The following SNX4 variants were observed in gnomAD, a reference collection of about 807,000 sequenced individuals.
SNX4 encodes sorting nexin 4, also known as sorting nexin-4.
SNX4 carries 49 observed loss-of-function variants against 70.8 expected under a neutral mutation model. The ratio of observed to expected loss-of-function variants is 0.69; its 90% CI spans 0.55 to 0.88. The LOEUF (loss-of-function observed/expected upper bound fraction) is 0.88. SNX4 is among the 40% of genes least tolerant of loss of function. The probability of loss-of-function intolerance (pLI) is 0.00; values close to 1 mark genes in which losing one functional copy is unlikely to be tolerated. For synonymous variants in SNX4, 206 were observed against 183.8 expected (o/e 1.12, Z -0.98); for missense variants, 528 against 544.8 (o/e 0.97, Z 0.31).
intron 11 of SNX4, among the ~76,000 whole-genome samples, chr3:125,455,895 T>A (rs1160420090): frequency 6.6e-6 from 1 of 151,974 alleles, no homozygotes; most frequent in Non-Finnish European, 1.5e-5. Flanking sequence ...CAGGCGCCTG[T>A]AGTCCCAGCT....
chr3:125,480,158 A>G (rs2107545340), intron 7 of SNX4, 89 bp downstream of exon 7: 2 of 756,692 alleles, frequency 2.6e-6, no homozygotes, highest in African/African-American at 1.8e-5. Context: ...TATTCATGGT[A>G]AATACCACCT....
At chr3:125,512,391 AAAG>A (rs1935189847) in intron 1 of SNX4, among the ~76,000 whole-genome samples, 1 of 152,232 alleles carries the variant, frequency 6.6e-6, no homozygotes, top group Non-Finnish European at 1.5e-5. Context: ...ATCCAGTTAC[AAAG>A]AAGGAAAAAA....
Position 125,505,548 on chromosome 3 carries a change from TG to T in SNX4, c.142-805del, listed in dbSNP as rs202043168. Among the ~76,000 whole-genome samples the T allele has an allele frequency of 3.3e-5, 5 of 152,216 alleles. No homozygotes were observed. The East Asian group carries it at 5.8e-4, about 18-fold the overall frequency. ...CTAGCAGGCAGCTGTGCAGCATTCC[TG>T]GAACAGCCTGATGCAGCCAGGGTAG... On this transcript the variant is annotated intron_variant, in intron 1 of 13. Transcript: ENST00000251775.
chr3:125,503,491 A>G (rs897507702), intron 2 of SNX4, among the ~76,000 whole-genome samples: 1 of 152,028 alleles, frequency 6.6e-6, no homozygotes, highest in Non-Finnish European at 1.5e-5. Flanking sequence ...TTTACTCACC[A>G]AGTTCTTTTT....
chr3:125,510,271 C>T (rs539916160), intron 1 of SNX4, among the ~76,000 whole-genome samples: 131 of 149,304 alleles, frequency 8.8e-4, no homozygotes, highest in African/African-American at 3.0e-3. Context: ...CTTGCAGTGT[C>T]GCCCAGGCTG....
intron 1 of SNX4, among the ~76,000 whole-genome samples, chr3:125,512,143 T>C (rs1459548263): frequency 2.0e-5 from 3 of 151,982 alleles, no homozygotes; most frequent in African/African-American, 7.3e-5. Flanking sequence ...GCTCAAGAAA[T>C]CACCTAAGCA....
chr3:125,449,815 C>T (rs145345038), intron 13 of SNX4, among the ~76,000 whole-genome samples: 80 of 152,310 alleles, frequency 5.3e-4, no homozygotes, highest in South Asian at 1.2e-3. Flanking sequence ...AAAGGTCTTG[C>T]ACTTTACTTT....
At chr3:125,459,036 T>C (rs1211666402) in intron 10 of SNX4, among the ~76,000 whole-genome samples, 4 of 151,406 alleles carry the variant, frequency 2.6e-5, no homozygotes, top group Non-Finnish European at 1.5e-5. Context: ...TAGCCGGGCA[T>C]GGTGGTGCAT....
chr3:125,512,648 A>G (rs368497944), intron 1 of SNX4, among the ~76,000 whole-genome samples: 2 of 152,044 alleles, frequency 1.3e-5, no homozygotes, highest in East Asian at 3.9e-4. Flanking sequence ...GAGACACCTA[A>G]TTTTTATTTT....
At chr3:125,504,865 T>C in intron 1 of SNX4, 121 bp from the exon 2 acceptor site, 8 of 1,147,730 alleles carry the variant, frequency 7.0e-6, no homozygotes, top group Non-Finnish European at 9.3e-6. Flanking sequence ...TAGTTACTTA[T>C]AGTTCTTGAG....
chr3:125,453,996 C>T (rs546971408), intron 11 of SNX4, 41 bp from the exon 12 acceptor site: 45 of 1,558,812 alleles, frequency 2.9e-5, no homozygotes, highest in Non-Finnish European at 3.5e-5. Context: ...AAACAAAATG[C>T]GGCATACACA....
intron 5 of SNX4, among the ~76,000 whole-genome samples, chr3:125,495,763 A>G (rs1307088132): frequency 6.6e-6 from 1 of 152,236 alleles, no homozygotes; most frequent in Non-Finnish European, 1.5e-5. Flanking sequence ...CTTAATGACT[A>G]GAATTTTTAA....
chr3:125,485,638 T>C (rs1201298293), intron 6 of SNX4, among the ~76,000 whole-genome samples: 1 of 152,172 alleles, frequency 6.6e-6, no homozygotes, highest in East Asian at 1.9e-4. Context: ...TAGTTTTCTC[T>C]ACCTAGCTAT....
At chr3:125,449,803 A>G (rs1933530166) in intron 13 of SNX4, among the ~76,000 whole-genome samples, 1 of 152,254 alleles carries the variant, frequency 6.6e-6, no homozygotes, top group African/African-American at 2.4e-5. Context: ...GAGACATTAT[A>G]TAAAGGTCTT....
intron 6 of SNX4, among the ~76,000 whole-genome samples, chr3:125,488,890 T>C (rs1007067515): frequency 1.3e-5 from 2 of 152,230 alleles, no homozygotes; most frequent in South Asian, 2.1e-4. Flanking sequence ...AAATCTTAAA[T>C]ACATAGGTCC....
intron 6 of SNX4, among the ~76,000 whole-genome samples, chr3:125,483,893 G>A (rs561730352): frequency 1.7e-4 from 26 of 152,284 alleles, no homozygotes; most frequent in Admixed American, 1.2e-3. Context: ...AATCTAGAAT[G>A]TCTGCATATT....
chr3:125,504,099 G>A (rs1388693248), intron 2 of SNX4, among the ~76,000 whole-genome samples: 1 of 152,132 alleles, frequency 6.6e-6, no homozygotes. Context: ...GGGAGGCCGA[G>A]GCGGGTGGAT....
At chr3:125,457,413 CA>C (rs753811190) in intron 10 of SNX4, 48 bp from the exon 11 acceptor site, 24 of 1,415,020 alleles carry the variant, frequency 1.7e-5, no homozygotes, top group Non-Finnish European at 2.3e-5. Context: ...TTTAACATGT[CA>C]AACATTTTTT....
At chr3:125,453,702 GA>G in intron 12 of SNX4, 107 bp downstream of exon 12, 1 of 1,043,142 alleles carries the variant, frequency 9.6e-7, no homozygotes, top group Non-Finnish European at 1.3e-6. Context: ...TGTATTCAGG[GA>G]TGCCAATGAA....
Sources: allele counts gnomAD v4.1 joint callset (sites outside exome capture counted in the v4.1 genomes callset), GRCh38; gene constraint gnomAD v4.1.1; transcripts MANE v1.5; gene names NCBI Gene and HGNC (gene_info 2026-07-23, HGNC 2026-07-21).